The following ATP8A2 variants were observed in gnomAD, a reference collection of about 807,000 sequenced individuals.
ATP8A2 encodes the protein ATPase phospholipid transporting 8A2.
Under a neutral mutation model 165.6 loss-of-function variants are expected in ATP8A2, and 100 were observed. The ratio of observed to expected loss-of-function variants is 0.60; its 90% CI spans 0.51 to 0.71. The LOEUF is 0.71. Ranked by LOEUF, ATP8A2 falls within the 30% of genes least tolerant of loss-of-function variation. The pLI is 0.00. For missense variants in ATP8A2, 1,227 were observed against 1,479.5 expected, an observed-to-expected ratio of 0.83 and a Z score of 2.80; for synonymous variants, 543 against 548.8, an observed-to-expected ratio of 0.99 and a Z score of 0.15.
chr13:25,604,954 GAC>G (rs2040478702), intron 24 of ATP8A2, among the ~76,000 whole-genome samples: 1 of 152,178 alleles, frequency 6.6e-6, no homozygotes, highest in Admixed American at 6.5e-5. Context: ...CAGGGAGCCT[GAC>G]AACTCTTGAC....
At chr13:25,562,521 G>A (rs2039188265) in intron 15 of ATP8A2, among the ~76,000 whole-genome samples, 1 of 152,148 alleles carries the variant, frequency 6.6e-6, no homozygotes, top group Admixed American at 6.5e-5. Context: ...ATTGTATTAA[G>A]GGATCCCTAG....
chr13:26,016,828 G>C (rs1233021076), intron 36 of ATP8A2, among the ~76,000 whole-genome samples: 1 of 152,290 alleles, frequency 6.6e-6, no homozygotes, highest in African/African-American at 2.4e-5. Flanking sequence ...TGGGTGTGAC[G>C]GGCCATGAAC....
intron 20 of ATP8A2, 113 bp downstream of exon 20, chr13:25,577,251 G>C (rs2039645529): frequency 6.4e-6 from 6 of 940,198 alleles, no homozygotes; most frequent in Admixed American, 5.7e-5. Flanking sequence ...AGAGTTGAAA[G>C]ACTGTTTCAG....
intron 24 of ATP8A2, among the ~76,000 whole-genome samples, chr13:25,694,106 C>T (rs2042786026): frequency 6.7e-6 from 1 of 149,942 alleles, no homozygotes; most frequent in Admixed American, 6.6e-5. Context: ...TCTCCTCCTC[C>T]TGCCAAGGAA....
chr13:25,709,111 CAGACAGACAGAG>C (rs150317311), intron 25 of ATP8A2, among the ~76,000 whole-genome samples: 5,753 of 152,210 alleles, frequency 0.038, 166 homozygotes, highest in Middle Eastern at 0.099. Flanking sequence ...GTGAGAGAGG[CAGACAGACAGAG>C]AGACAGACAG....
intron 2 of ATP8A2, among the ~76,000 whole-genome samples, chr13:25,478,265 C>G (rs773983631): frequency 3.3e-5 from 5 of 152,042 alleles, no homozygotes; most frequent in Non-Finnish European, 5.9e-5. Flanking sequence ...AAGTAGGTAA[C>G]AAAGTAGACT....
chr13:25,657,302 G>C (rs2041954912), intron 24 of ATP8A2, among the ~76,000 whole-genome samples: 1 of 152,078 alleles, frequency 6.6e-6, no homozygotes, highest in Non-Finnish European at 1.5e-5. Context: ...GAATGGTTTA[G>C]TGAGCACATT....
At chr13:25,496,392 A>G (rs1223450957) in intron 2 of ATP8A2, among the ~76,000 whole-genome samples, 2 of 152,140 alleles carry the variant, frequency 1.3e-5, no homozygotes, top group Non-Finnish European at 2.9e-5. Flanking sequence ...CCTGCATGAA[A>G]TCTACATTGA....
rs112371776 is a variant in ATP8A2 at position 25,543,489 on chromosome 13, GA to G, written c.891+89del. On this transcript the variant is annotated intron_variant, in intron 10 of 36. Coordinates refer to ENST00000381655, the MANE Select transcript of ATP8A2 (RefSeq NM_016529.6). ...TGGAAAATGCAGATGTTGCATTTAG[GA>G]AGTTCAAATTTGTCTATGAACCTAA... is the stretch of plus-strand genomic sequence containing the variant. 2.7e-3 allele frequency: 2,372 copies of G among 875,840 alleles called. 43 individuals are homozygous for G. In the African/African-American group the frequency reaches 0.036, roughly 13 times the overall value. The allele number at this position is 875,840 out of a possible 1,614,324, so 54.3% of individuals were successfully genotyped here. A position where few individuals can be genotyped will look rare whatever the true frequency, so the allele number is the denominator to read the frequency against.
At chr13:25,913,074 T>A (rs1014141438) in intron 33 of ATP8A2, among the ~76,000 whole-genome samples, 33 of 152,342 alleles carry the variant, frequency 2.2e-4, no homozygotes, top group African/African-American at 7.0e-4. Flanking sequence ...TTCTAAAGAA[T>A]CGCAGAGCAA....
chr13:25,424,087 G>A (rs1593287638), intron 1 of ATP8A2, among the ~76,000 whole-genome samples: 1 of 152,324 alleles, frequency 6.6e-6, no homozygotes, highest in African/African-American at 2.4e-5. Flanking sequence ...TTGTCCTGCA[G>A]GGCTTGGTGT....
chr13:25,399,579 T>C (rs532652887), intron 1 of ATP8A2, among the ~76,000 whole-genome samples: 6 of 105,186 alleles, frequency 5.7e-5, no homozygotes, highest in Non-Finnish European at 1.2e-4. Context: ...TTTTTTTGTA[T>C]TTTTAGTAGA....
At chr13:25,463,847 C>G (rs890509166) in intron 1 of ATP8A2, among the ~76,000 whole-genome samples, 1 of 152,190 alleles carries the variant, frequency 6.6e-6, no homozygotes, top group Non-Finnish European at 1.5e-5. Flanking sequence ...CTTCCACCCC[C>G]TCATGCTTCT....
intron 27 of ATP8A2, among the ~76,000 whole-genome samples, chr13:25,783,468 C>T (rs2044939002): frequency 6.6e-6 from 1 of 152,244 alleles, no homozygotes; most frequent in South Asian, 2.1e-4. Flanking sequence ...ACAAGAGGAA[C>T]AGGACAGTCC....
chr13:25,693,209 A>G (rs1002941830), intron 24 of ATP8A2, among the ~76,000 whole-genome samples: 2 of 152,216 alleles, frequency 1.3e-5, no homozygotes, highest in Admixed American at 6.5e-5. Context: ...TAAGTGCCCA[A>G]TAACTACCTT....
At chr13:25,829,007 A>G (rs1276856846) in intron 28 of ATP8A2, among the ~76,000 whole-genome samples, 1 of 152,228 alleles carries the variant, frequency 6.6e-6, no homozygotes, top group Non-Finnish European at 1.5e-5. Flanking sequence ...GATGGAAGTT[A>G]CCAGACATAC....
chr13:25,871,450 A>G (rs979656704), intron 33 of ATP8A2, among the ~76,000 whole-genome samples: 7 of 152,280 alleles, frequency 4.6e-5, no homozygotes, highest in Admixed American at 4.6e-4. Context: ...CTTCAGGTTT[A>G]TCCAATTTAA....
intron 35 of ATP8A2, among the ~76,000 whole-genome samples, chr13:25,994,951 G>A (rs56170418): frequency 0.019 from 2,917 of 152,072 alleles, 80 homozygotes; most frequent in African/African-American, 0.06. Flanking sequence ...CTGGTGGTAA[G>A]TCTTCTTTAA....
At chr13:25,862,654 G>A (rs748854259) in intron 33 of ATP8A2, among the ~76,000 whole-genome samples, 1 of 152,144 alleles carries the variant, frequency 6.6e-6, no homozygotes, top group Non-Finnish European at 1.5e-5. Flanking sequence ...TAAATCCTCC[G>A]GCTTATTGGC....
Sources: allele counts gnomAD v4.1 joint callset (sites outside exome capture counted in the v4.1 genomes callset), GRCh38; gene constraint gnomAD v4.1.1; transcripts MANE v1.5; gene names NCBI Gene and HGNC (gene_info 2026-07-23, HGNC 2026-07-21).